AGBL4: variants seen among roughly 807,000 people sequenced by gnomAD.
AGBL4 encodes AGBL carboxypeptidase 4.
A neutral mutation model predicts 66.4 loss-of-function variants in AGBL4; 58 were observed. That is an observed-to-expected ratio of 0.87 (90% CI 0.71 to 1.09). The LOEUF (loss-of-function observed/expected upper bound fraction) is 1.09, where lower values mean the gene tolerates loss of function less well. Among genes scored for constraint, AGBL4 ranks in the 50% least tolerant of loss-of-function variants. The probability of loss-of-function intolerance (pLI) is 0.00; values close to 1 mark genes in which losing one functional copy is unlikely to be tolerated. For synonymous variants in AGBL4, 234 were observed against 222.9 expected, an observed-to-expected ratio of 1.05 and a Z score of -0.44; for missense variants, 579 against 631.0, an observed-to-expected ratio of 0.92 and a Z score of 0.88.
In AGBL4 at chr1:49,172,598, A is replaced by G. The variant is rs181490262; in HGVS notation, c.377+73172T>C. 4.4e-4 allele frequency among the ~76,000 whole-genome samples: 67 copies of G among 152,328 alleles called. 1 individual carries two copies. Among genetic ancestry groups the G allele is most frequent in the African/African-American group, 1.5e-3 (62 of 41,584 alleles). The stretch of plus-strand genomic sequence containing the variant: ...GAAAGGACATTGTGAGCAGAGCCAA[A>G]CAACATATGTAGAAGTGTGGAGGTA... On this transcript the variant is annotated intron_variant, in intron 4 of 13. Coordinates refer to ENST00000371839, the MANE Select transcript of AGBL4 (RefSeq NM_032785.4).
chr1:48,637,467 AT>A (rs1431412687), intron 8 of AGBL4, among the ~76,000 whole-genome samples: 2 of 152,102 alleles, frequency 1.3e-5, no homozygotes, highest in African/African-American at 4.8e-5. Context: ...ATGAGGCATG[AT>A]TTTGCCCCGT....
In AGBL4 at chr1:49,341,790, G is replaced by A. The variant is rs77235235; in HGVS notation, c.283-95926C>T. On this transcript the variant is annotated intron_variant, in intron 3 of 13. Transcript: ENST00000371839. ...ACTGACAAGAAGCCACCTGAACTTCGGATTCAGCGTTCAGATGGGTCTTTC... is the reference window on the plus strand; with the variant it reads ...ACTGACAAGAAGCCACCTGAACTTCAGATTCAGCGTTCAGATGGGTCTTTC... Among the ~76,000 whole-genome samples the A allele has an allele frequency of 9.0e-3, 1,373 of 152,190 alleles. 9 individuals are homozygous for A. Among genetic ancestry groups the A allele is most frequent in the Middle Eastern group, 0.031 (9 of 294 alleles).
chr1:49,739,914 G>C (rs1650277357), intron 2 of AGBL4, among the ~76,000 whole-genome samples: 1 of 152,152 alleles, frequency 6.6e-6, no homozygotes, highest in African/African-American at 2.4e-5. Context: ...ACTAAACATG[G>C]AAAGGAACAA....
intron 1 of AGBL4, among the ~76,000 whole-genome samples, chr1:49,948,273 T>C (rs1403441437): frequency 9.7e-6 from 1 of 103,232 alleles, no homozygotes; most frequent in African/African-American, 4.7e-5. Flanking sequence ...AATAAATACA[T>C]ATAAATATAT....
intron 4 of AGBL4, among the ~76,000 whole-genome samples, chr1:49,118,435 G>T (rs192271588): frequency 6.6e-6 from 1 of 152,200 alleles, no homozygotes; most frequent in African/African-American, 2.4e-5. Flanking sequence ...AAGTGCTGTT[G>T]AATTTTGTCA....
intron 6 of AGBL4, among the ~76,000 whole-genome samples, chr1:48,741,639 T>C (rs1304380613): frequency 6.6e-6 from 1 of 152,204 alleles, no homozygotes; most frequent in African/African-American, 2.4e-5. Flanking sequence ...TTGGCTCAGG[T>C]TGGCCAGTTG....
intron 3 of AGBL4, among the ~76,000 whole-genome samples, chr1:49,330,183 G>A (rs1236613165): frequency 2.6e-5 from 4 of 152,206 alleles, no homozygotes; most frequent in Non-Finnish European, 5.9e-5. Context: ...TTGGGAGGCC[G>A]AGGTGGGCAG....
chr1:49,528,688 A>C lies in AGBL4; in HGVS notation c.282+168625T>G, dbSNP rs1650859739. On this transcript the variant is annotated intron_variant, in intron 3 of 13. Transcript: ENST00000371839. ...CAAGGGTTTAGGTGATCAGGAAAAA[A>C]TTTCCAGAGTGATTGACATTTATAA... is the stretch of plus-strand genomic sequence containing the variant. Among the ~76,000 whole-genome samples, 2 of 152,124 alleles carry C rather than the reference A, an allele frequency of 1.3e-5. 1 individual carries two copies. Among genetic ancestry groups the C allele is most frequent in the South Asian group, 4.1e-4 (2 of 4,828 alleles).
intron 2 of AGBL4, among the ~76,000 whole-genome samples, chr1:49,733,646 G>A (rs1454301802): frequency 3.9e-5 from 6 of 152,160 alleles, no homozygotes. Flanking sequence ...TTGCAACAGT[G>A]ATGGGAGGTG....
intron 4 of AGBL4, among the ~76,000 whole-genome samples, chr1:49,132,144 G>C (rs1263578134): frequency 6.6e-6 from 1 of 152,058 alleles, no homozygotes; most frequent in African/African-American, 2.4e-5. Context: ...AAACAGGAGT[G>C]TGTGGTCACA....
chr1:49,635,844 A>G (rs370254804), intron 3 of AGBL4, among the ~76,000 whole-genome samples: 1 of 152,242 alleles, frequency 6.6e-6, no homozygotes, highest in South Asian at 2.1e-4. Context: ...AAACAAGTGT[A>G]TATTCCATGA....
intron 3 of AGBL4, among the ~76,000 whole-genome samples, chr1:49,634,851 T>C (rs1439428450): frequency 6.6e-6 from 1 of 152,204 alleles, no homozygotes; most frequent in African/African-American, 2.4e-5. Context: ...GGCAGTCCAA[T>C]GTTCCTACTG....
intron 2 of AGBL4, among the ~76,000 whole-genome samples, chr1:49,844,159 A>G (rs1255444276): frequency 6.6e-6 from 1 of 152,198 alleles, no homozygotes; most frequent in Non-Finnish European, 1.5e-5. Context: ...TGGGAAGCAG[A>G]TAGGCTCCTT....
At chr1:49,946,681 C>G (rs1471422047) in intron 1 of AGBL4, among the ~76,000 whole-genome samples, 1 of 151,484 alleles carries the variant, frequency 6.6e-6, no homozygotes, top group East Asian at 1.9e-4. Context: ...CGAAATCCAG[C>G]AGAAGAAAAG....
intron 6 of AGBL4, among the ~76,000 whole-genome samples, chr1:48,754,785 T>C (rs768539825): frequency 4.4e-4 from 67 of 152,044 alleles, no homozygotes; most frequent in Admixed American, 1.0e-3. Context: ...ATGATATCCT[T>C]TGTGGGGAGT....
At chr1:49,927,774 G>A (rs1234982321) in intron 1 of AGBL4, among the ~76,000 whole-genome samples, 1 of 151,752 alleles carries the variant, frequency 6.6e-6, no homozygotes, top group Non-Finnish European at 1.5e-5. Context: ...CCTTAAAGAG[G>A]AAGGAGAAAG....
At chr1:49,117,279 C>A (rs1046625215) in intron 4 of AGBL4, among the ~76,000 whole-genome samples, 28 of 152,182 alleles carry the variant, frequency 1.8e-4, no homozygotes, top group Admixed American at 3.3e-4. Flanking sequence ...GTGTTTTAGT[C>A]ATGAAGACCT....
intron 1 of AGBL4, among the ~76,000 whole-genome samples, chr1:49,915,474 G>A (rs1651339177): frequency 6.6e-6 from 1 of 152,092 alleles, no homozygotes; most frequent in Non-Finnish European, 1.5e-5. Flanking sequence ...CGCCCACCGG[G>A]CCTCGCTCAT....
chr1:48,786,373 C>T (rs1557993479), intron 6 of AGBL4, among the ~76,000 whole-genome samples: 1 of 152,188 alleles, frequency 6.6e-6, no homozygotes, highest in Non-Finnish European at 1.5e-5. Context: ...ATGGAAAAGA[C>T]TTCAACCTGG....
Sources: gnomAD v4.1 joint callset for allele counts (sites outside exome capture counted in the v4.1 genomes callset) on GRCh38, gnomAD v4.1.1 for gene constraint, MANE v1.5 for transcripts, NCBI Gene and HGNC (gene_info 2026-07-23, HGNC 2026-07-21) for gene names.